Variants in MIPOL1 observed in about 807,000 individuals in gnomAD.
MIPOL1 encodes the protein mirror-image polydactyly gene 1 protein.
In MIPOL1, 57 loss-of-function variants were observed where a neutral mutation model predicts 60.9. The observed-to-expected ratio is 0.94, with a 90% CI of 0.76 to 1.17. MIPOL1 has a LOEUF of 1.17. Among genes scored for constraint, MIPOL1 ranks in the 50% most tolerant of loss-of-function variants. The pLI is 0.00. For synonymous variants in MIPOL1, 179 were observed against 168.8 expected, an observed-to-expected ratio of 1.06 and a Z score of -0.47; for missense variants, 551 against 511.6, an observed-to-expected ratio of 1.08 and a Z score of -0.74.
intron 7 of MIPOL1, among the ~76,000 whole-genome samples, chr14:37,303,980 C>T (rs1023205361): frequency 2.0e-5 from 3 of 151,724 alleles, no homozygotes; most frequent in Admixed American, 6.6e-5. Flanking sequence ...ATTATGTCAG[C>T]ATAGTATCAG....
At chr14:37,228,403 C>A (rs1186581535) in intron 1 of MIPOL1, among the ~76,000 whole-genome samples, 1 of 131,650 alleles carries the variant, frequency 7.6e-6, no homozygotes, top group Non-Finnish European at 1.6e-5. Flanking sequence ...AGTTCATTGT[C>A]TTAAGGGGAA....
At chr14:37,261,007 A>G (rs190300228) in intron 3 of MIPOL1, among the ~76,000 whole-genome samples, 2 of 152,084 alleles carry the variant, frequency 1.3e-5, no homozygotes, top group East Asian at 3.9e-4. Flanking sequence ...TTGACGGTGA[A>G]TTTTCTCAGA....
At chr14:37,244,104 CTTTTTTTTTTTTTTT>C (rs143933758) in intron 1 of MIPOL1, among the ~76,000 whole-genome samples, 8 of 51,588 alleles carry the variant, frequency 1.6e-4, no homozygotes, top group Admixed American at 1.1e-3. Flanking sequence ...GACTCACTTC[CTTTTTTTTTTTTTTT>C]TTTTTTTTTT....
At chr14:37,495,810 G>A (rs2095118154) in intron 11 of MIPOL1, among the ~76,000 whole-genome samples, 1 of 151,752 alleles carries the variant, frequency 6.6e-6, no homozygotes, top group African/African-American at 2.4e-5. Flanking sequence ...ACTTTTTAAT[G>A]ATTGCCATTC....
At chr14:37,240,808 T>C (rs1972225442) in intron 1 of MIPOL1, among the ~76,000 whole-genome samples, 1 of 152,162 alleles carries the variant, frequency 6.6e-6, no homozygotes, top group African/African-American at 2.4e-5. Flanking sequence ...AAATAGTGTA[T>C]TGTCTTACCC....
At chr14:37,213,801 T>C (rs1428267615) in intron 1 of MIPOL1, among the ~76,000 whole-genome samples, 2 of 152,234 alleles carry the variant, frequency 1.3e-5, no homozygotes, top group East Asian at 1.9e-4. Flanking sequence ...AGGTCAGTGA[T>C]AAAGAATGGA....
At chr14:37,497,656 CAT>C (rs1343183674) in intron 11 of MIPOL1, among the ~76,000 whole-genome samples, 2 of 152,172 alleles carry the variant, frequency 1.3e-5, no homozygotes, top group East Asian at 1.9e-4. Context: ...GCCTGGAAAA[CAT>C]AGTGAGAACT....
At chr14:37,361,881 C>T (rs1444517006) in intron 9 of MIPOL1, among the ~76,000 whole-genome samples, 1 of 152,004 alleles carries the variant, frequency 6.6e-6, no homozygotes, top group Non-Finnish European at 1.5e-5. Flanking sequence ...TGCTGTTTGT[C>T]TCTTTTGACT....
intron 10 of MIPOL1, among the ~76,000 whole-genome samples, chr14:37,372,596 A>C (rs1476888961): frequency 6.6e-6 from 1 of 151,976 alleles, no homozygotes; most frequent in African/African-American, 2.4e-5. Context: ...TCTACTAAAA[A>C]ATACTAAAAT....
intron 11 of MIPOL1, among the ~76,000 whole-genome samples, chr14:37,425,810 A>T (rs963373906): frequency 3.9e-5 from 6 of 152,214 alleles, no homozygotes; most frequent in Admixed American, 3.9e-4. Context: ...TAAGTGGTTA[A>T]CTATGATAAG....
intron 9 of MIPOL1, among the ~76,000 whole-genome samples, chr14:37,311,435 G>C (rs547650358): frequency 6.6e-6 from 1 of 152,208 alleles, no homozygotes; most frequent in Admixed American, 6.5e-5. Flanking sequence ...TTGCTGACAA[G>C]TTGTTATGTA....
At position 37,465,958 on chromosome 14, in the gene MIPOL1, A is replaced by G. The variant is rs551800141; in HGVS notation, c.1032-33950A>G. Among the ~76,000 whole-genome samples, 457 of 152,314 alleles carry G rather than the reference A, an allele frequency of 3.0e-3. 3 individuals carry two copies. The highest frequency in any genetic ancestry group is 9.4e-3 in the African/African-American group (391 of 41,580). On this transcript the variant is annotated intron_variant, in intron 11 of 12. Coordinates refer to ENST00000684589, the MANE Select transcript of MIPOL1 (RefSeq NM_001388067.1). ...TTGTTTTATTTATTTAAAGAATAAAACTGCTAGTTTTTTTGCTTAGCTAGG... is the reference window on the plus strand; with the variant it reads ...TTGTTTTATTTATTTAAAGAATAAAGCTGCTAGTTTTTTTGCTTAGCTAGG...
chr14:37,342,453 A>G (rs2090638231), intron 9 of MIPOL1, among the ~76,000 whole-genome samples: 1 of 150,746 alleles, frequency 6.6e-6, no homozygotes, highest in Admixed American at 6.6e-5. Context: ...GCTGGAGTGC[A>G]GTGGTGCGAT....
At chr14:37,412,046 C>T (rs978879972) in intron 10 of MIPOL1, among the ~76,000 whole-genome samples, 2 of 152,150 alleles carry the variant, frequency 1.3e-5, no homozygotes, top group Admixed American at 6.5e-5. Context: ...GGTTCAGAAG[C>T]CTTAACTTGT....
intron 11 of MIPOL1, among the ~76,000 whole-genome samples, chr14:37,465,364 A>G (rs1482225283): frequency 6.6e-6 from 1 of 152,132 alleles, no homozygotes; most frequent in African/African-American, 2.4e-5. Context: ...TTAATATGTC[A>G]CTAATAGTAG....
intron 12 of MIPOL1, among the ~76,000 whole-genome samples, chr14:37,519,580 A>T (rs1319278692): frequency 6.6e-6 from 1 of 151,980 alleles, no homozygotes; most frequent in East Asian, 1.9e-4. Flanking sequence ...ATCCTTTTAA[A>T]TTTTAACCTG....
intron 11 of MIPOL1, among the ~76,000 whole-genome samples, chr14:37,494,577 C>A (rs1204888218): frequency 6.6e-6 from 1 of 152,126 alleles, no homozygotes; most frequent in Non-Finnish European, 1.5e-5. Context: ...GCTTTATAGA[C>A]CACAGCAAGT....
chr14:37,215,849 C>T (rs760380141), intron 1 of MIPOL1, among the ~76,000 whole-genome samples: 2 of 152,054 alleles, frequency 1.3e-5, no homozygotes, highest in Non-Finnish European at 1.5e-5. Flanking sequence ...AGGCAGATCA[C>T]CTGAGGTCAG....
intron 1 of MIPOL1, among the ~76,000 whole-genome samples, chr14:37,236,257 G>A (rs1971461657): frequency 6.6e-6 from 1 of 151,856 alleles, no homozygotes; most frequent in African/African-American, 2.4e-5. Context: ...ATCTTGCTGG[G>A]TATGAGTCAT....
Sources: gnomAD v4.1 joint callset for allele counts (sites outside exome capture counted in the v4.1 genomes callset) on GRCh38, gnomAD v4.1.1 for gene constraint, MANE v1.5 for transcripts, NCBI Gene and HGNC (gene_info 2026-07-23, HGNC 2026-07-21) for gene names.